Variants in PAPOLA observed in about 807,000 individuals in gnomAD.
The protein encoded by PAPOLA is poly(A) polymerase alpha.
Under a neutral mutation model 100.6 loss-of-function variants are expected in PAPOLA, and 15 were observed. That is an observed-to-expected ratio of 0.15 (90% CI 0.10 to 0.23). The LOEUF is 0.23. Among genes scored for constraint, PAPOLA ranks in the 10% least tolerant of loss-of-function variants. PAPOLA has a pLI of 1.00. For missense variants in PAPOLA, 533 were observed against 884.2 expected (o/e 0.60, Z 5.04); for synonymous variants, 293 against 300.0 (o/e 0.98, Z 0.24).
chr14:96,502,699 C>T (rs1896375610), intron 1 of PAPOLA, 99 bp downstream of exon 1: 3 of 1,327,510 alleles, frequency 2.3e-6, no homozygotes, highest in Non-Finnish European at 3.1e-6. Context: ...CACGCGAGCC[C>T]GACCCTCCCC....
In PAPOLA at chr14:96,502,585, C is replaced by G; in HGVS notation, c.-8C>G. 6.4e-7 allele frequency: 1 copy of G among 1,564,614 alleles called. No individual in the cohort carries two copies. Among genetic ancestry groups the G allele is most frequent in the Non-Finnish European group, 8.7e-7 (1 of 1,155,172 alleles). The stretch of plus-strand genomic sequence containing the variant: ...GGAAGTGACTGGGCGGTGCCGGCGC[C>G]GGAGACGATGCCGTTGTAAGTAATT... On this transcript the variant is annotated 5_prime_UTR_variant, in exon 1 of 22. Coordinates refer to ENST00000216277, the MANE Select transcript of PAPOLA (RefSeq NM_032632.5).
At chr14:96,542,599 T>C in intron 13 of PAPOLA, 175 bp from the exon 14 acceptor site, 1 of 601,658 alleles carries the variant, frequency 1.7e-6, no homozygotes, top group South Asian at 2.5e-5. Flanking sequence ...CTGGTGTGAA[T>C]GGAGTGTTTC....
chr14:96,560,929 T>C (rs1901791361), intron 20 of PAPOLA, among the ~76,000 whole-genome samples: 1 of 152,122 alleles, frequency 6.6e-6, no homozygotes, highest in Non-Finnish European at 1.5e-5. Flanking sequence ...GTAGACAAGA[T>C]AAGTCATGAA....
chr14:96,552,228 A>G (rs1348967135), intron 16 of PAPOLA, among the ~76,000 whole-genome samples: 1 of 152,196 alleles, frequency 6.6e-6, no homozygotes, highest in East Asian at 1.9e-4. Context: ...GTCAGTATGT[A>G]CATTTAATAC....
At position 96,566,114 on chromosome 14, in the gene PAPOLA, C is replaced by T. The variant is rs1168797542; in HGVS notation, c.*1064C>T. On this transcript the variant is annotated 3_prime_UTR_variant, in exon 22 of 22. Coordinates refer to ENST00000216277, the MANE Select transcript of PAPOLA (RefSeq NM_032632.5). ...GGAATTTTGTACACTCCACAGAACTCCTATCTATAGTAAAATTGATTTTCA... is the reference window on the plus strand; with the variant it reads ...GGAATTTTGTACACTCCACAGAACTTCTATCTATAGTAAAATTGATTTTCA... 3.3e-5 allele frequency: 13 copies of T among 393,024 alleles called. No homozygotes were observed. The highest frequency in any genetic ancestry group is 1.4e-4 in the South Asian group (1 of 6,974). 24.3% of individuals were successfully genotyped at this position (393,024 alleles called of 1,614,324 possible). A position where few individuals can be genotyped will look rare whatever the true frequency, so the allele number is the denominator to read the frequency against.
intron 4 of PAPOLA, chr14:96,526,440 T>G (rs1898487554): frequency 6.6e-6 from 1 of 152,426 alleles, no homozygotes; most frequent in African/African-American, 2.4e-5. Context: ...TCAATTGATT[T>G]TCAGGCCTCA....
At chr14:96,537,362 A>G (rs1156999439) in intron 12 of PAPOLA, 1 of 237,226 alleles carries the variant, frequency 4.2e-6, no homozygotes, top group African/African-American at 2.2e-5. Context: ...AAGTGGATGC[A>G]CCCTGAAAAA....
chr14:96,543,935 G>C (rs1595542684), intron 14 of PAPOLA, among the ~76,000 whole-genome samples: 2 of 152,156 alleles, frequency 1.3e-5, no homozygotes, highest in African/African-American at 4.8e-5. Flanking sequence ...GTTAGTAAGA[G>C]TATATTTCTC....
intron 3 of PAPOLA, among the ~76,000 whole-genome samples, chr14:96,521,493 T>A (rs116937274): frequency 0.044 from 6,738 of 152,156 alleles, 175 homozygotes; most frequent in Non-Finnish European, 0.058. Context: ...TTATTTATTT[T>A]TTATTTATTT....
Position 96,520,988 on chromosome 14 carries a change from T to C in PAPOLA, c.183-18T>C. On this transcript the variant is annotated intron_variant, in intron 2 of 21. Transcript: ENST00000216277. ...GTAATGATCTGGAATACTTGATTGA[T>C]AATTGTTTTATCAACAGGATTTTAA... The C allele has an allele frequency of 8.9e-7, 1 of 1,122,382 alleles. No individual in the cohort carries two copies. Among genetic ancestry groups the C allele is most frequent in the Non-Finnish European group, 1.4e-6 (1 of 732,260 alleles). 69.5% of individuals were successfully genotyped at this position (1,122,382 alleles called of 1,614,324 possible).
intron 3 of PAPOLA, among the ~76,000 whole-genome samples, chr14:96,522,674 G>A (rs947147701): frequency 2.0e-5 from 3 of 152,110 alleles, no homozygotes; most frequent in Non-Finnish European, 2.9e-5. Flanking sequence ...CAAAGTGCCA[G>A]GATTACAGGG....
intron 21 of PAPOLA, 139 bp from the exon 22 acceptor site, chr14:96,564,816 T>G: frequency 1.9e-6 from 1 of 523,090 alleles, no homozygotes; most frequent in South Asian, 3.4e-5. Flanking sequence ...CATTCCATTT[T>G]GACAACATTA....
chr14:96,528,599 T>C (rs180869354), intron 6 of PAPOLA, among the ~76,000 whole-genome samples: 1 of 152,320 alleles, frequency 6.6e-6, no homozygotes, highest in Non-Finnish European at 1.5e-5. Flanking sequence ...TTGGAAACTG[T>C]AAGAGAAATA....
intron 1 of PAPOLA, among the ~76,000 whole-genome samples, chr14:96,509,223 G>T (rs1441363028): frequency 6.6e-6 from 1 of 151,970 alleles, no homozygotes; most frequent in African/African-American, 2.4e-5. Context: ...ACTGTGACAG[G>T]GTTTTGCCAC....
At chr14:96,563,985 ATGAG>A (rs1902082114) in intron 21 of PAPOLA, among the ~76,000 whole-genome samples, 1 of 152,004 alleles carries the variant, frequency 6.6e-6, no homozygotes, top group Non-Finnish European at 1.5e-5. Context: ...AGATATTTTT[ATGAG>A]TGAGTAGAAT....
chr14:96,513,274 G>A (rs550663412), intron 1 of PAPOLA, among the ~76,000 whole-genome samples: 5 of 152,186 alleles, frequency 3.3e-5, no homozygotes, highest in African/African-American at 9.6e-5. Flanking sequence ...TTTCTATGTT[G>A]CCCAGGCTGG....
rs772276757 is a variant in PAPOLA, at chr14:96,532,303, TG to T, written c.608-27del. The T allele has an allele frequency of 9.1e-4, 1,425 of 1,562,264 alleles. 2 individuals carry two copies. The highest frequency in any genetic ancestry group is 2.5e-3 in the South Asian group (208 of 84,464). On this transcript the variant is annotated intron_variant, in intron 7 of 21. Coordinates refer to ENST00000216277, the MANE Select transcript of PAPOLA (RefSeq NM_032632.5). ...TTTGTTTTGTGTGTGTGTGTGTGTG[TG>T]TGTTTTTTTTTACCCCTATTAATTA...
Position 96,555,831 on chromosome 14 carries a change from A to ATTTTT in PAPOLA, c.1665-7_1665-3dup. ...TTTTTAAATTTTGAGACAATTTTTA[A>ATTTTT]TTTTTTTTTTTTTAGCAGAAACAGT... On this transcript the variant is annotated splice_polypyrimidine_tract_variant and intron_variant, in intron 17 of 21. Transcript: ENST00000216277. 1.9e-6 allele frequency: 2 copies of ATTTTT among 1,061,520 alleles called. No homozygotes were observed. Among genetic ancestry groups the ATTTTT allele is most frequent in the Non-Finnish European group, 2.6e-6 (2 of 764,860 alleles). 65.8% of individuals were successfully genotyped at this position (1,061,520 alleles called of 1,614,324 possible).
At chr14:96,519,548 A>T (rs1486923097) in intron 1 of PAPOLA, among the ~76,000 whole-genome samples, 2 of 152,160 alleles carry the variant, frequency 1.3e-5, no homozygotes, top group African/African-American at 4.8e-5. Context: ...ATCATTAACA[A>T]GCTTAAGGTA....
Sources: gnomAD v4.1 joint callset for allele counts (sites outside exome capture counted in the v4.1 genomes callset) on GRCh38, gnomAD v4.1.1 for gene constraint, MANE v1.5 for transcripts, NCBI Gene and HGNC (gene_info 2026-07-23, HGNC 2026-07-21) for gene names.